MAPK8: variants seen among roughly 807,000 people sequenced by gnomAD.
MAPK8 encodes the protein mitogen-activated protein kinase 8.
In MAPK8, 13 loss-of-function variants were observed where a neutral mutation model predicts 52.9. That is an observed-to-expected ratio of 0.25 (90% CI 0.16 to 0.39). The LOEUF is 0.39. MAPK8 is among the 10% of genes least tolerant of loss of function. The probability of loss-of-function intolerance (pLI) is 1.00; values close to 1 mark genes in which losing one functional copy is unlikely to be tolerated. For missense variants in MAPK8, 300 were observed against 519.2 expected (o/e 0.58, Z 4.10); for synonymous variants, 191 against 169.8 (o/e 1.12, Z -0.97).
intron 5 of MAPK8, among the ~76,000 whole-genome samples, chr10:48,410,615 G>T (rs1589225829): frequency 6.6e-6 from 1 of 152,236 alleles, no homozygotes; most frequent in East Asian, 1.9e-4. Context: ...ACAAATATTT[G>T]TTTGAATATA....
intron 5 of MAPK8, among the ~76,000 whole-genome samples, chr10:48,411,935 C>T (rs1310520148): frequency 6.7e-6 from 1 of 149,814 alleles, no homozygotes; most frequent in Non-Finnish European, 1.5e-5. Context: ...ACCTCTACCT[C>T]CTGGGTTCAA....
intron 1 of MAPK8, among the ~76,000 whole-genome samples, chr10:48,392,408 C>A (rs2041672402): frequency 6.6e-6 from 1 of 152,006 alleles, no homozygotes; most frequent in Non-Finnish European, 1.5e-5. Context: ...GGATGAAAAC[C>A]TATATATATG....
intron 1 of MAPK8, among the ~76,000 whole-genome samples, chr10:48,349,481 C>T (rs905766457): frequency 6.6e-6 from 1 of 152,186 alleles, no homozygotes; most frequent in African/African-American, 2.4e-5. Flanking sequence ...CAAAACCACA[C>T]AACTACATGG....
chr10:48,424,027 C>A, intron 6 of MAPK8, 61 bp from the exon 7 acceptor site: 1 of 1,336,058 alleles, frequency 7.5e-7, no homozygotes, highest in Middle Eastern at 1.8e-4. Flanking sequence ...TCATATTATG[C>A]TTCTTTGATT....
At chr10:48,386,925 AATTAGCTT>A (rs1285536891) in intron 1 of MAPK8, among the ~76,000 whole-genome samples, 1 of 152,204 alleles carries the variant, frequency 6.6e-6, no homozygotes. Flanking sequence ...ACAAGTTCTG[AATTAGCTT>A]ACTGATTTCA....
intron 1 of MAPK8, among the ~76,000 whole-genome samples, chr10:48,319,029 G>A (rs72792272): frequency 0.093 from 14,201 of 152,248 alleles, 707 homozygotes; most frequent in Non-Finnish European, 0.11. Flanking sequence ...TGTGAGGTAT[G>A]AGAGGATTAG....
intron 1 of MAPK8, among the ~76,000 whole-genome samples, chr10:48,326,512 TG>T (rs1794466928): frequency 6.6e-6 from 1 of 152,130 alleles, no homozygotes; most frequent in Admixed American, 6.5e-5. Context: ...AATTAGAAAA[TG>T]GTATTAGAAA....
intron 1 of MAPK8, among the ~76,000 whole-genome samples, chr10:48,307,655 A>G (rs1042212594): frequency 2.0e-5 from 3 of 152,180 alleles, no homozygotes; most frequent in African/African-American, 7.2e-5. Flanking sequence ...TGCGAATTTA[A>G]TAACATGTTG....
chr10:48,422,006 CTTATTTAT>C (rs199974312), intron 6 of MAPK8, among the ~76,000 whole-genome samples: 42,558 of 143,782 alleles, frequency 0.3, 7,962 homozygotes, highest in Non-Finnish European at 0.39. Flanking sequence ...TTTTATTTAT[CTTATTTAT>C]TTATTTATTT....
intron 1 of MAPK8, among the ~76,000 whole-genome samples, chr10:48,324,284 G>T (rs1351415010): frequency 6.6e-6 from 1 of 152,156 alleles, no homozygotes; most frequent in African/African-American, 2.4e-5. Context: ...AGTTTCCATA[G>T]CTCTTGTGAA....
At chr10:48,375,495 T>TTGTCTC (rs1273108917) in intron 1 of MAPK8, among the ~76,000 whole-genome samples, 1 of 8,688 alleles carries the variant, frequency 1.2e-4, no homozygotes, top group Non-Finnish European at 1.9e-4. Context: ...AAAAACCCCA[T>TTGTCTC]TGTCTCAGCC....
At chr10:48,343,885 T>C (rs1234264829) in intron 1 of MAPK8, among the ~76,000 whole-genome samples, 2 of 152,252 alleles carry the variant, frequency 1.3e-5, no homozygotes, top group African/African-American at 4.8e-5. Context: ...TCTGTCCTCT[T>C]GTGTTACTTT....
Position 48,415,867 on chromosome 10 carries a change from A to G in MAPK8, c.451-4288A>G, listed in dbSNP as rs2043039589. 2.0e-5 allele frequency among the ~76,000 whole-genome samples: 3 copies of G among 152,234 alleles called. No individual in the cohort carries two copies. The East Asian group carries it at 5.8e-4, about 29-fold the overall frequency. ...GGATATTCTAACTTACTCCCTTAGT[A>G]TCAGTACATAAAGTGGTAAAAATGA... is the stretch of plus-strand genomic sequence containing the variant. On this transcript the variant is annotated intron_variant, in intron 5 of 11. Coordinates refer to ENST00000374189, the MANE Select transcript of MAPK8 (RefSeq NM_001323329.2).
intron 1 of MAPK8, among the ~76,000 whole-genome samples, chr10:48,338,963 T>A (rs947746949): frequency 6.6e-6 from 1 of 152,112 alleles, no homozygotes; most frequent in Non-Finnish European, 1.5e-5. Context: ...AAACGTCCCA[T>A]GCTTGTAGAT....
intron 1 of MAPK8, among the ~76,000 whole-genome samples, chr10:48,344,701 T>TA (rs1845604976): frequency 2.0e-5 from 3 of 152,298 alleles, no homozygotes; most frequent in Admixed American, 1.3e-4. Flanking sequence ...TTTAGAAATT[T>TA]AAAAAAATTA....
chr10:48,341,303 C>T (rs977534119), intron 1 of MAPK8, among the ~76,000 whole-genome samples: 2 of 152,204 alleles, frequency 1.3e-5, no homozygotes, highest in African/African-American at 4.8e-5. Context: ...AAAGAAGAAA[C>T]GTTAGGTGCT....
At chr10:48,429,299 A>G (rs2133287942) in intron 10 of MAPK8, among the ~76,000 whole-genome samples, 1 of 152,338 alleles carries the variant, frequency 6.6e-6, no homozygotes, top group East Asian at 1.9e-4. Context: ...TTAAACTGTG[A>G]AAAAAGTACA....
intron 1 of MAPK8, among the ~76,000 whole-genome samples, chr10:48,355,604 A>G (rs1272253499): frequency 6.6e-6 from 1 of 152,184 alleles, no homozygotes. Flanking sequence ...CTCAACAAGC[A>G]TTCAAGAGAA....
At chr10:48,399,282 A>G (rs2042039813) in intron 1 of MAPK8, among the ~76,000 whole-genome samples, 1 of 152,220 alleles carries the variant, frequency 6.6e-6, no homozygotes, top group Admixed American at 6.5e-5. Context: ...TGTTAACAGT[A>G]CGTAGCATGG....
Sources: allele counts gnomAD v4.1 joint callset (sites outside exome capture counted in the v4.1 genomes callset), GRCh38; gene constraint gnomAD v4.1.1; transcripts MANE v1.5; gene names NCBI Gene and HGNC (gene_info 2026-07-23, HGNC 2026-07-21).